Variants in MCF2 observed in about 807,000 individuals in gnomAD.
The protein encoded by MCF2 is MCF.2 cell line derived transforming sequence.
MCF2 carries 44 observed loss-of-function variants against 82.5 expected under a neutral mutation model. That is an observed-to-expected ratio of 0.53 (90% CI 0.42 to 0.69). MCF2 has a LOEUF of 0.69. MCF2 is among the 30% of genes least tolerant of loss of function. The probability of loss-of-function intolerance (pLI) is 0.00; values close to 1 mark genes in which losing one functional copy is unlikely to be tolerated. For missense variants in MCF2, 623 were observed against 663.1 expected, an observed-to-expected ratio of 0.94 and a Z score of 0.66; for synonymous variants, 217 against 224.9, an observed-to-expected ratio of 0.96 and a Z score of 0.32.
chrX:139,585,771 G>A (rs181685914), intron 23 of MCF2, among the ~76,000 whole-genome samples: 168 of 112,174 alleles, frequency 1.5e-3, no homozygotes, highest in African/African-American at 5.2e-3. Flanking sequence ...TGGCAGCTGA[G>A]TGTATCCTAG....
intron 1 of MCF2, among the ~76,000 whole-genome samples, chrX:139,663,474 C>T (rs932890052): frequency 3.6e-5 from 4 of 110,611 alleles, no homozygotes; most frequent in Non-Finnish European, 7.5e-5. Flanking sequence ...TTTGGAGGTA[C>T]ATGTGAAGGT....
chrX:139,637,398 T>A (rs999866208), intron 1 of MCF2, among the ~76,000 whole-genome samples: 2 of 111,957 alleles, frequency 1.8e-5, no homozygotes, highest in African/African-American at 6.5e-5. Context: ...GAATTTTTAA[T>A]CCCACTCCCA....
intron 15 of MCF2, among the ~76,000 whole-genome samples, chrX:139,604,226 C>T (rs750671107): frequency 1.8e-5 from 2 of 110,621 alleles, no homozygotes; most frequent in Non-Finnish European, 3.8e-5. Context: ...GTGATAGATG[C>T]CTTGATGGCT....
intron 1 of MCF2, among the ~76,000 whole-genome samples, chrX:139,682,181 T>C (rs978818): frequency 0.18 from 19,384 of 110,393 alleles, 1,287 homozygotes; most frequent in South Asian, 0.28. Context: ...TGGTGGGAAG[T>C]GACAGTGAGA....
At chrX:139,620,483 G>C (rs191687636) in intron 6 of MCF2, among the ~76,000 whole-genome samples, 1 of 110,730 alleles carries the variant, frequency 9.0e-6, no homozygotes, top group Non-Finnish European at 1.9e-5. Context: ...CTACCAAAAG[G>C]CTCCTAGAAT....
intron 1 of MCF2, among the ~76,000 whole-genome samples, chrX:139,702,771 G>A (rs762104838): frequency 8.3e-4 from 93 of 112,450 alleles, no homozygotes; most frequent in Non-Finnish European, 1.5e-3. Context: ...TCACTAGCTG[G>A]TTCGAGCCAA....
chrX:139,675,371 A>T (rs907259702), intron 1 of MCF2, among the ~76,000 whole-genome samples: 1 of 112,441 alleles, frequency 8.9e-6, no homozygotes, highest in African/African-American at 3.2e-5. Flanking sequence ...CCTTTGGAGG[A>T]GAAAAGGCTC....
intron 1 of MCF2, among the ~76,000 whole-genome samples, chrX:139,707,295 C>T (rs981981248): frequency 7.2e-5 from 8 of 110,942 alleles, no homozygotes; most frequent in African/African-American, 2.0e-4. Flanking sequence ...TATAAACAGT[C>T]CCACTCCTTC....
rs976757939 is a variant in MCF2, at chrX:139,689,543, A to C, written c.-45+18563T>G. Among the ~76,000 whole-genome samples the C allele has an allele frequency of 5.5e-5, 6 of 108,865 alleles. No homozygotes were observed. The Admixed American group carries it at 6.0e-4, about 11-fold the overall frequency. The allele number at this position is 108,865 out of a possible 115,157, so 94.5% of individuals were successfully genotyped here. On this transcript the variant is annotated intron_variant, in intron 1 of 27. Transcript: ENST00000414978. ...TTACGAGGCCCCTCCTACCTCTCCAAATCTCTCTCTCTCCTTTACCCCCCA... is the reference window on the plus strand; with the variant it reads ...TTACGAGGCCCCTCCTACCTCTCCACATCTCTCTCTCTCCTTTACCCCCCA...
intron 1 of MCF2, among the ~76,000 whole-genome samples, chrX:139,657,527 CAAAT>C (rs1002527659): frequency 8.9e-6 from 1 of 112,139 alleles, no homozygotes; most frequent in Non-Finnish European, 1.9e-5. Flanking sequence ...ACTTTTTAAA[CAAAT>C]ATTTATTGAG....
At chrX:139,674,968 G>A (rs1204181533) in intron 1 of MCF2, among the ~76,000 whole-genome samples, 1 of 112,142 alleles carries the variant, frequency 8.9e-6, no homozygotes, top group Non-Finnish European at 1.9e-5. Flanking sequence ...CCAGTCAAAC[G>A]TAGATTTGGT....
At chrX:139,702,774 C>T (rs980415093) in intron 1 of MCF2, among the ~76,000 whole-genome samples, 4 of 112,370 alleles carry the variant, frequency 3.6e-5, no homozygotes, top group Admixed American at 9.4e-5. Flanking sequence ...CTAGCTGGTT[C>T]GAGCCAATAT....
rs1286031644 is a variant in MCF2, at chrX:139,654,959, A to C, written c.-44-3171T>G. ...TCGAATATGACTTGGCTGTAAATGTATGGATTTACATCTGGGTTCTCTATT... is the reference window on the plus strand; with the variant it reads ...TCGAATATGACTTGGCTGTAAATGTCTGGATTTACATCTGGGTTCTCTATT... On this transcript the variant is annotated intron_variant, in intron 1 of 27. Transcript: ENST00000414978. Among the ~76,000 whole-genome samples, 6 of 111,707 alleles carry C rather than the reference A, an allele frequency of 5.4e-5. No homozygotes were observed. In the Admixed American group the frequency reaches 5.7e-4, roughly 11 times the overall value.
chrX:139,656,397 G>C (rs1163878950), intron 1 of MCF2, among the ~76,000 whole-genome samples: 2 of 112,356 alleles, frequency 1.8e-5, no homozygotes, highest in Non-Finnish European at 3.8e-5. Context: ...CATTCTATGA[G>C]ATCCAACAAC....
rs1344816874 is a variant in MCF2 at position 139,604,667 on chromosome X, A to C, written c.1743+14T>G. On this transcript the variant is annotated intron_variant, in intron 15 of 24. Coordinates refer to ENST00000370576, the Ensembl canonical transcript of MCF2. ...GTGCATATTTATATATATTTAAAAA[A>C]TAATTTAACTAACCCTTTCCAGGAA... 9.0e-7 allele frequency: 1 copy of C among 1,114,597 alleles called. No individual in the cohort carries two copies. Among genetic ancestry groups the C allele is most frequent in the African/African-American group, 1.9e-5 (1 of 53,378 alleles). 91.9% of individuals were successfully genotyped at this position (1,114,597 alleles called of 1,213,427 possible).
At chrX:139,587,775 C>T (rs749717336) in exon 22 of MCF2, 2 of 1,186,298 alleles carry the variant, frequency 1.7e-6, no homozygotes, top group Non-Finnish European at 2.3e-6. Flanking sequence ...GATCCTGTTG[C>T]TTTCTTTTTT....
intron 1 of MCF2, among the ~76,000 whole-genome samples, chrX:139,672,594 C>T (rs1365369860): frequency 1.8e-5 from 2 of 111,797 alleles, no homozygotes; most frequent in Non-Finnish European, 3.8e-5. Context: ...TGCCGTTGGT[C>T]CTGTTTATGT....
chrX:139,615,608 T>C (rs1931838854), intron 9 of MCF2, among the ~76,000 whole-genome samples: 1 of 111,867 alleles, frequency 8.9e-6, no homozygotes, highest in Non-Finnish European at 1.9e-5. Context: ...CATGACTGCA[T>C]TTCTGATTTC....
At chrX:139,640,045 G>A (rs978185326) in intron 1 of MCF2, among the ~76,000 whole-genome samples, 2 of 111,050 alleles carry the variant, frequency 1.8e-5, no homozygotes, top group African/African-American at 3.3e-5. Context: ...AGCAGCGGTA[G>A]TACGGCCTAT....
Sources: gnomAD v4.1 joint callset for allele counts (sites outside exome capture counted in the v4.1 genomes callset) on GRCh38, gnomAD v4.1.1 for gene constraint, MANE v1.5 for transcripts, NCBI Gene and HGNC (gene_info 2026-07-23, HGNC 2026-07-21) for gene names.